Variants in RBFOX1 observed in about 807,000 individuals in gnomAD.
RBFOX1 encodes the protein RNA binding fox-1 homolog 1.
Under a neutral mutation model 57.7 loss-of-function variants are expected in RBFOX1, and 8 were observed. The observed-to-expected ratio is 0.14, with a 90% CI of 0.08 to 0.25. The LOEUF is 0.25. RBFOX1 is among the 10% of genes least tolerant of loss of function. The probability of loss-of-function intolerance (pLI) is 1.00; values close to 1 mark genes in which losing one functional copy is unlikely to be tolerated. For missense variants in RBFOX1, 611 were observed against 548.5 expected (o/e 1.11, Z -1.14); for synonymous variants, 326 against 222.4 (o/e 1.47, Z -4.15).
chr16:5,867,186 A>C (rs912270480), intron 3 of RBFOX1: 1 of 523,894 alleles, frequency 1.9e-6, no homozygotes, highest in African/African-American at 2.0e-5. Context: ...TGTGTGTTGC[A>C]ACCTTTGTCC....
intron 1 of RBFOX1, among the ~76,000 whole-genome samples, chr16:5,383,866 T>G (rs1439739609): frequency 6.6e-6 from 1 of 152,218 alleles, no homozygotes; most frequent in East Asian, 1.9e-4. Flanking sequence ...AATTAAGATG[T>G]CTAACAATAT....
Position 6,495,429 on chromosome 16 carries a change from C to G in RBFOX1, c.-63-159174C>G, listed in dbSNP as rs144704279. 7.0e-3 allele frequency among the ~76,000 whole-genome samples: 1,055 copies of G among 151,110 alleles called. 8 individuals carry two copies. The highest frequency in any genetic ancestry group is 0.027 in the East Asian group (135 of 5,088). On this transcript the variant is annotated intron_variant, in intron 2 of 15. Coordinates refer to ENST00000550418, the MANE Select transcript of RBFOX1 (RefSeq NM_018723.4). ...TACAGGCTTGAGCTTCCGCGCCTGG[C>G]AGACAGCCATCTATAAGATGATGTC...
chr16:5,867,776 A>G (rs547107757), intron 4 of RBFOX1, among the ~76,000 whole-genome samples: 210 of 152,094 alleles, frequency 1.4e-3, no homozygotes, highest in African/African-American at 4.8e-3. Flanking sequence ...CAGTGGCATG[A>G]TGTCGGCTCA....
chr16:6,970,636 A>G (rs530568220), intron 3 of RBFOX1, among the ~76,000 whole-genome samples: 2 of 152,166 alleles, frequency 1.3e-5, no homozygotes, highest in African/African-American at 4.8e-5. Context: ...GAAGGGCACT[A>G]ATCCCATTTG....
At chr16:7,651,212 C>T (rs2064989393) in intron 11 of RBFOX1, among the ~76,000 whole-genome samples, 2 of 152,134 alleles carry the variant, frequency 1.3e-5, no homozygotes, top group Non-Finnish European at 2.9e-5. Context: ...GCTGTGGGAC[C>T]TTTAAGAACA....
chr16:7,448,118 G>C (rs532991676), intron 4 of RBFOX1, among the ~76,000 whole-genome samples: 1 of 152,338 alleles, frequency 6.6e-6, no homozygotes, highest in African/African-American at 2.4e-5. Context: ...AGACTCAAAG[G>C]ATGAATGGCA....
chr16:7,380,258 A>G (rs1037330629), intron 4 of RBFOX1, among the ~76,000 whole-genome samples: 8 of 152,176 alleles, frequency 5.3e-5, no homozygotes, highest in African/African-American at 1.4e-4. Context: ...CATCTTCACC[A>G]CATAGAATCG....
In RBFOX1 at chr16:5,353,706, A is replaced by G. The variant is rs371819343; in HGVS notation, c.220-113510A>G. Among the ~76,000 whole-genome samples the G allele has an allele frequency of 3.4e-4, 47 of 140,140 alleles. 2 individuals are homozygous for G. The South Asian group carries it at 0.012, about 34-fold the overall frequency. The allele number at this position is 140,140 out of a possible 152,430, so 91.9% of individuals were successfully genotyped here. On this transcript the variant is annotated intron_variant, in intron 1 of 2. Coordinates refer to the RBFOX1 transcript ENST00000585867. ...CACTTCCAGCTTGAAACCTAGGCTG[A>G]AAACTAATTTCCCATTGAGGAAAAA... is the stretch of plus-strand genomic sequence containing the variant.
chr16:6,876,985 T>A lies in RBFOX1; in HGVS notation c.-15-175072T>A, dbSNP rs559398178. Among the ~76,000 whole-genome samples, 23 of 152,322 alleles carry A rather than the reference T, an allele frequency of 1.5e-4. No individual in the cohort carries two copies. The East Asian group carries it at 4.4e-3, about 29-fold the overall frequency. On this transcript the variant is annotated intron_variant, in intron 3 of 15. Coordinates refer to ENST00000550418, the MANE Select transcript of RBFOX1 (RefSeq NM_018723.4). ...AATTTGTAGAATAATGAATATAGTT[T>A]TCCAGTGGAGCAACAAATGCATACT...
intron 3 of RBFOX1, among the ~76,000 whole-genome samples, chr16:5,850,765 A>G (rs148278681): frequency 6.6e-5 from 10 of 152,304 alleles, no homozygotes; most frequent in African/African-American, 2.2e-4. Flanking sequence ...GCGACTCCAG[A>G]GCCTGATGTC....
intron 4 of RBFOX1, among the ~76,000 whole-genome samples, chr16:5,924,292 C>G (rs2058896785): frequency 6.6e-6 from 1 of 152,108 alleles, no homozygotes; most frequent in East Asian, 1.9e-4. Context: ...GACTAATACA[C>G]CTACTGCTAT....
intron 3 of RBFOX1, among the ~76,000 whole-genome samples, chr16:5,614,146 G>T (rs1010914127): frequency 6.6e-6 from 1 of 152,160 alleles, no homozygotes; most frequent in Non-Finnish European, 1.5e-5. Flanking sequence ...TAGGTTGGGA[G>T]GTGCGGATCA....
chr16:6,602,620 C>G (rs140572696), intron 2 of RBFOX1, among the ~76,000 whole-genome samples: 45 of 152,246 alleles, frequency 3.0e-4, no homozygotes, highest in African/African-American at 7.2e-4. Context: ...TCTCCTGGCT[C>G]CAGTTCCATT....
At chr16:6,966,793 G>C (rs372452106) in intron 3 of RBFOX1, among the ~76,000 whole-genome samples, 1 of 103,450 alleles carries the variant, frequency 9.7e-6, no homozygotes, top group Non-Finnish European at 2.0e-5. Flanking sequence ...CTATCTATCT[G>C]TCTGTCTGTC....
In RBFOX1 at chr16:6,310,313, C is replaced by T. The variant is rs566787379; in HGVS notation, c.-126-6682C>T. Reference sequence around the variant, plus strand: ...AGGAATCTTCAGTGAGCACTTACTACGTGGCAGGTGCTGTGATGGCTTATG... The same window carrying T: ...AGGAATCTTCAGTGAGCACTTACTATGTGGCAGGTGCTGTGATGGCTTATG... On this transcript the variant is annotated intron_variant, in intron 1 of 15. Coordinates refer to ENST00000550418, the MANE Select transcript of RBFOX1 (RefSeq NM_018723.4). 3.0e-4 allele frequency among the ~76,000 whole-genome samples: 45 copies of T among 152,312 alleles called. 1 individual carries two copies. The highest frequency in any genetic ancestry group is 3.4e-3 in the Middle Eastern group (1 of 294).
Position 6,476,908 on chromosome 16 carries a change from A to G in RBFOX1, c.-64+159851A>G, listed in dbSNP as rs1019899773. ...TTCTACATTCTTTGTTGTCATTGCAACAAGGATCATAGTATCTTTACTAGA... is the reference window on the plus strand; with the variant it reads ...TTCTACATTCTTTGTTGTCATTGCAGCAAGGATCATAGTATCTTTACTAGA... On this transcript the variant is annotated intron_variant, in intron 2 of 15. Coordinates refer to ENST00000550418, the MANE Select transcript of RBFOX1 (RefSeq NM_018723.4). Among the ~76,000 whole-genome samples, 5 of 152,340 alleles carry G rather than the reference A, an allele frequency of 3.3e-5. No individual in the cohort carries two copies. The South Asian group carries it at 8.3e-4, about 25-fold the overall frequency.
chr16:7,355,184 A>G (rs1568377966), intron 4 of RBFOX1, among the ~76,000 whole-genome samples: 2 of 152,122 alleles, frequency 1.3e-5, no homozygotes, highest in Admixed American at 6.5e-5. Context: ...GGAGGCCTGG[A>G]TTTGAATCCC....
chr16:6,636,022 G>A (rs11644522), intron 2 of RBFOX1, among the ~76,000 whole-genome samples: 88,573 of 151,970 alleles, frequency 0.58, 26,938 homozygotes, highest in South Asian at 0.79. Flanking sequence ...AAGTACTTGT[G>A]TACATGTTTA....
At chr16:6,819,446 C>G (rs1354594233) in intron 3 of RBFOX1, among the ~76,000 whole-genome samples, 1 of 152,090 alleles carries the variant, frequency 6.6e-6, no homozygotes, top group Non-Finnish European at 1.5e-5. Context: ...GGCATGGTGG[C>G]TGAGGCCAGT....
Sources: allele counts gnomAD v4.1 joint callset (sites outside exome capture counted in the v4.1 genomes callset), GRCh38; gene constraint gnomAD v4.1.1; transcripts MANE v1.5; gene names NCBI Gene and HGNC (gene_info 2026-07-23, HGNC 2026-07-21).